The following NKAIN3 variants were observed in gnomAD, a reference collection of about 807,000 sequenced individuals.
NKAIN3 encodes sodium/potassium transporting ATPase interacting 3.
A neutral mutation model predicts 30.2 loss-of-function variants in NKAIN3; 25 were observed. That is an observed-to-expected ratio of 0.83 (90% CI 0.60 to 1.16). The LOEUF is 1.16. Among genes scored for constraint, NKAIN3 ranks in the 50% most tolerant of loss-of-function variants. NKAIN3 has a pLI of 0.00. For synonymous variants in NKAIN3, 91 were observed against 89.6 expected, an observed-to-expected ratio of 1.02 and a Z score of -0.09; for missense variants, 225 against 254.1, an observed-to-expected ratio of 0.89 and a Z score of 0.78.
chr8:62,887,100 A>G (rs766456496), intron 4 of NKAIN3, among the ~76,000 whole-genome samples: 12 of 152,128 alleles, frequency 7.9e-5, no homozygotes, highest in Non-Finnish European at 1.6e-4. Flanking sequence ...AGTCTTTGCT[A>G]TTGTAAATAG....
rs139528063 is a variant in NKAIN3, at chr8:62,961,329, G to A, written c.604-4025G>A. Among the ~76,000 whole-genome samples the A allele has an allele frequency of 6.7e-3, 1,015 of 151,962 alleles. 44 individuals are homozygous for A. The highest frequency in any genetic ancestry group is 0.063 in the Admixed American group (963 of 15,262). On this transcript the variant is annotated intron_variant, in intron 6 of 6. Coordinates refer to ENST00000623646, the MANE Select transcript of NKAIN3 (RefSeq NM_001304533.3). The stretch of plus-strand genomic sequence containing the variant: ...CGAGACATTTTGTGTCCACAGATGT[G>A]CTACAATAAGAAGTGCACAGCACCA...
intron 4 of NKAIN3, among the ~76,000 whole-genome samples, chr8:62,766,083 G>A (rs1029924305): frequency 1.3e-5 from 2 of 152,030 alleles, no homozygotes; most frequent in Admixed American, 6.5e-5. Flanking sequence ...GCACTAAACC[G>A]GGTAGATTCC....
intron 4 of NKAIN3, among the ~76,000 whole-genome samples, chr8:62,882,173 CAT>C (rs1179188242): frequency 2.6e-5 from 4 of 152,048 alleles, no homozygotes; most frequent in East Asian, 3.9e-4. Flanking sequence ...GCCTCTTTTG[CAT>C]ATGTTTTTTC....
At chr8:62,405,805 G>T (rs184978210) in intron 1 of NKAIN3, among the ~76,000 whole-genome samples, 128 of 152,314 alleles carry the variant, frequency 8.4e-4, no homozygotes, top group African/African-American at 2.8e-3. Context: ...ATGATCATCA[G>T]TGGATGTTTC....
At chr8:62,534,630 C>T (rs867869941) in intron 1 of NKAIN3, among the ~76,000 whole-genome samples, 47 of 152,118 alleles carry the variant, frequency 3.1e-4, no homozygotes, top group African/African-American at 1.1e-3. Context: ...CTCGCTAAAT[C>T]AGAGTACTGG....
intron 5 of NKAIN3, among the ~76,000 whole-genome samples, chr8:62,929,485 A>G (rs2130869580): frequency 6.6e-6 from 1 of 152,334 alleles, no homozygotes; most frequent in Middle Eastern, 3.4e-3. Flanking sequence ...AAGGAAAACA[A>G]ACACTTAGTT....
intron 4 of NKAIN3, among the ~76,000 whole-genome samples, chr8:62,803,204 A>G (rs906236373): frequency 3.3e-5 from 5 of 152,148 alleles, no homozygotes; most frequent in African/African-American, 1.2e-4. Context: ...AGACAGATCA[A>G]TGAGACAGAA....
chr8:62,736,017 G>A (rs1432741339), intron 3 of NKAIN3, among the ~76,000 whole-genome samples: 2 of 152,194 alleles, frequency 1.3e-5, no homozygotes, highest in African/African-American at 2.4e-5. Flanking sequence ...CTCAGCCATG[G>A]ATACCAGCAC....
intron 3 of NKAIN3, among the ~76,000 whole-genome samples, chr8:62,619,324 TTTA>T (rs2130221395): frequency 6.6e-6 from 1 of 152,280 alleles, no homozygotes; most frequent in East Asian, 1.9e-4. Flanking sequence ...ATAAGAAATA[TTTA>T]CAGTCTATTC....
At chr8:62,691,772 G>A (rs1813974796) in intron 3 of NKAIN3, among the ~76,000 whole-genome samples, 1 of 152,146 alleles carries the variant, frequency 6.6e-6, no homozygotes, top group African/African-American at 2.4e-5. Context: ...GAAGTGAGGA[G>A]GTATGAGCTG....
intron 4 of NKAIN3, among the ~76,000 whole-genome samples, chr8:62,850,308 T>C (rs1385289839): frequency 1.3e-5 from 2 of 152,118 alleles, no homozygotes; most frequent in Non-Finnish European, 2.9e-5. Context: ...GGTTGTTTGT[T>C]TTTTTCTTGT....
intron 4 of NKAIN3, among the ~76,000 whole-genome samples, chr8:62,868,579 A>G (rs1820496371): frequency 6.6e-6 from 1 of 152,224 alleles, no homozygotes; most frequent in South Asian, 2.1e-4. Context: ...TGATTCAGCC[A>G]GTGTACTGAA....
intron 4 of NKAIN3, among the ~76,000 whole-genome samples, chr8:62,765,246 C>CAAAAAAA (rs34477671): frequency 3.5e-4 from 15 of 42,318 alleles, no homozygotes; most frequent in East Asian, 1.2e-3. Flanking sequence ...GACTCCATCT[C>CAAAAAAA]AAAAAAAAAA....
chr8:62,751,520 C>T (rs1816283333), intron 4 of NKAIN3, among the ~76,000 whole-genome samples: 1 of 152,054 alleles, frequency 6.6e-6, no homozygotes, highest in South Asian at 2.1e-4. Flanking sequence ...TATTTGCTCC[C>T]CACACAAGCT....
chr8:62,725,010 G>T (rs994916296), intron 3 of NKAIN3, among the ~76,000 whole-genome samples: 1 of 151,912 alleles, frequency 6.6e-6, no homozygotes, highest in Non-Finnish European at 1.5e-5. Flanking sequence ...AGGGTACAAG[G>T]GTTTCTGTTT....
At position 62,589,780 on chromosome 8, in the gene NKAIN3, G is replaced by A; in HGVS notation, c.259G>A (p.Gly87Ser). ...VFIICFYLEVGGLSKDTDLMT... is the reference protein window; with the variant it reads ...VFIICFYLEVSGLSKDTDLMT... ...CATTATCTGCTTTTATTTGGAAGTA[G>A]GTGGACTCTCAAAGGTGAGTTTATC... is the stretch of plus-strand genomic sequence containing the variant. Residue 87 changes from glycine (G) to serine (S), a missense_variant, in exon 3 of 7, where the codon GGT becomes AGT. By Grantham distance (56) the Gly-to-Ser change is moderately conservative (BLOSUM62 0). Transcript: ENST00000623646. 1 of 1,598,938 alleles carries A rather than the reference G, an allele frequency of 6.3e-7. No individual in the cohort carries two copies. Among genetic ancestry groups the A allele is most frequent in the Non-Finnish European group, 8.6e-7 (1 of 1,168,852 alleles).
intron 1 of NKAIN3, among the ~76,000 whole-genome samples, chr8:62,335,229 C>T (rs1295391258): frequency 6.6e-6 from 1 of 151,804 alleles, no homozygotes. Flanking sequence ...GAGGTCAGAC[C>T]AGCCTGGCCA....
intron 6 of NKAIN3, among the ~76,000 whole-genome samples, chr8:62,957,757 C>G (rs1373552754): frequency 6.6e-6 from 1 of 152,142 alleles, no homozygotes; most frequent in Non-Finnish European, 1.5e-5. Flanking sequence ...AACAGTAGAA[C>G]TACTCTGTAT....
chr8:62,388,464 G>A lies in NKAIN3; in HGVS notation c.54+139337G>A, dbSNP rs913081310. ...AAATTCTTGTTCATTGCCTATTCAG[G>A]CCCTAGCAAAGGTAATATGTGGTAA... On this transcript the variant is annotated intron_variant, in intron 1 of 6. Coordinates refer to ENST00000623646, the MANE Select transcript of NKAIN3 (RefSeq NM_001304533.3). Among the ~76,000 whole-genome samples, 19 of 152,216 alleles carry A rather than the reference G, an allele frequency of 1.2e-4. 1 individual carries two copies. The highest frequency in any genetic ancestry group is 2.4e-4 in the Non-Finnish European group (16 of 68,044).
Sources: gnomAD v4.1 joint callset for allele counts (sites outside exome capture counted in the v4.1 genomes callset) on GRCh38, gnomAD v4.1.1 for gene constraint, MANE v1.5 for transcripts, NCBI Gene and HGNC (gene_info 2026-07-23, HGNC 2026-07-21) for gene names.